MAST4: variants seen among roughly 807,000 people sequenced by gnomAD.
The protein encoded by MAST4 is microtubule associated serine/threonine kinase family member 4, also known as microtubule-associated serine/threonine-protein kinase 4.
In MAST4, 89 loss-of-function variants were observed where a neutral mutation model predicts 162.7. That is an observed-to-expected ratio of 0.55 (90% confidence interval 0.46 to 0.65). The LOEUF (loss-of-function observed/expected upper bound fraction) is 0.65, where lower values mean the gene tolerates loss of function less well. MAST4 is among the 30% of genes least tolerant of loss of function. The pLI is 0.00. For missense variants in MAST4, 3,153 were observed against 3,374.0 expected, an observed-to-expected ratio of 0.93 and a Z score of 1.62; for synonymous variants, 1,479 against 1,361.1, an observed-to-expected ratio of 1.09 and a Z score of -1.91.
chr5:66,847,916 C>T (rs1009394306), intron 3 of MAST4, among the ~76,000 whole-genome samples: 3 of 151,384 alleles, frequency 2.0e-5, no homozygotes, highest in Admixed American at 1.3e-4. Flanking sequence ...ATGGCAGTGC[C>T]GTGAAAGGTG....
In MAST4 at chr5:67,095,590, T is replaced by G; in HGVS notation, c.834-7T>G. 6.2e-7 allele frequency: 1 copy of G among 1,602,596 alleles called. No homozygotes were observed. The highest frequency in any genetic ancestry group is 1.3e-5 in the African/African-American group (1 of 74,774). Reference sequence around the variant, plus strand: ...GTTGGCCTAAGCTAAACTCACTTTCTCAATAGGACTGATGGACGCCGCTGG... The same window carrying G: ...GTTGGCCTAAGCTAAACTCACTTTCGCAATAGGACTGATGGACGCCGCTGG... On this transcript the variant is annotated splice_region_variant and splice_polypyrimidine_tract_variant and intron_variant, in intron 6 of 28. Coordinates refer to ENST00000403625, the MANE Select transcript of MAST4 (RefSeq NM_001164664.2).
At chr5:66,834,725 G>T (rs980809216) in intron 3 of MAST4, among the ~76,000 whole-genome samples, 6 of 152,156 alleles carry the variant, frequency 3.9e-5, no homozygotes, top group Non-Finnish European at 8.8e-5. Context: ...CCCAGCCATT[G>T]CCCACTGTTG....
chr5:66,706,892 C>G (rs1023251717), intron 1 of MAST4, among the ~76,000 whole-genome samples: 3 of 152,168 alleles, frequency 2.0e-5, no homozygotes, highest in African/African-American at 7.2e-5. Context: ...TTTCTTCATA[C>G]TCTGATGTAT....
At chr5:67,062,095 G>T (rs1759687170) in intron 5 of MAST4, among the ~76,000 whole-genome samples, 1 of 152,136 alleles carries the variant, frequency 6.6e-6, no homozygotes, top group Non-Finnish European at 1.5e-5. Flanking sequence ...GCCAGTGAAA[G>T]AATTCTCTTT....
intron 1 of MAST4, among the ~76,000 whole-genome samples, chr5:66,602,877 A>G (rs1057350438): frequency 5.3e-5 from 8 of 152,134 alleles, no homozygotes; most frequent in African/African-American, 1.9e-4. Context: ...CTTATTGCTG[A>G]GGCTGTTTCC....
chr5:67,077,706 T>C (rs1761827747), intron 5 of MAST4, among the ~76,000 whole-genome samples: 1 of 152,244 alleles, frequency 6.6e-6, no homozygotes, highest in Admixed American at 6.5e-5. Flanking sequence ...CCTGAATCAA[T>C]TGATTAGCCA....
chr5:67,040,608 C>T (rs1756624170), intron 4 of MAST4, among the ~76,000 whole-genome samples: 1 of 152,210 alleles, frequency 6.6e-6, no homozygotes, highest in Non-Finnish European at 1.5e-5. Context: ...TGATGTAAAG[C>T]TCCATAGCTT....
At chr5:66,714,073 A>G (rs1383515505) in intron 1 of MAST4, among the ~76,000 whole-genome samples, 2 of 152,236 alleles carry the variant, frequency 1.3e-5, no homozygotes, top group African/African-American at 2.4e-5. Flanking sequence ...TGGTAAGTGG[A>G]GGAGCCACCA....
At chr5:66,995,101 A>G (rs1165717642) in intron 4 of MAST4, among the ~76,000 whole-genome samples, 4 of 152,360 alleles carry the variant, frequency 2.6e-5, no homozygotes, top group African/African-American at 7.2e-5. Flanking sequence ...AAGGATTTAT[A>G]TCTAGAAATC....
intron 3 of MAST4, among the ~76,000 whole-genome samples, chr5:66,862,945 A>G (rs1482027590): frequency 6.6e-6 from 1 of 152,186 alleles, no homozygotes; most frequent in Non-Finnish European, 1.5e-5. Flanking sequence ...TCCCTTCTCC[A>G]TGGAATCTGA....
intron 3 of MAST4, among the ~76,000 whole-genome samples, chr5:66,890,264 G>A (rs1188161694): frequency 1.3e-5 from 2 of 152,134 alleles, no homozygotes; most frequent in Non-Finnish European, 2.9e-5. Flanking sequence ...TGTTATTCAT[G>A]TAACTGTTGG....
At chr5:66,627,734 AG>A (rs1245814523) in intron 1 of MAST4, among the ~76,000 whole-genome samples, 2 of 151,134 alleles carry the variant, frequency 1.3e-5, no homozygotes, top group African/African-American at 4.9e-5. Context: ...AAAAAAAAAA[AG>A]CTGAAATAGG....
At chr5:67,087,339 C>T (rs1763354100) in intron 5 of MAST4, among the ~76,000 whole-genome samples, 1 of 152,242 alleles carries the variant, frequency 6.6e-6, no homozygotes, top group East Asian at 1.9e-4. Flanking sequence ...GGTCTAGGTC[C>T]CTCCTCCTCT....
chr5:66,867,050 T>C (rs1419274234), intron 3 of MAST4, among the ~76,000 whole-genome samples: 1 of 152,202 alleles, frequency 6.6e-6, no homozygotes, highest in South Asian at 2.1e-4. Context: ...CGTGAGCCAC[T>C]ATGCCCAGCT....
intron 4 of MAST4, among the ~76,000 whole-genome samples, chr5:66,974,972 C>A (rs1348907001): frequency 6.6e-6 from 1 of 152,106 alleles, no homozygotes; most frequent in African/African-American, 2.4e-5. Flanking sequence ...ACCTCTGAAA[C>A]CTGTAAACAT....
chr5:66,893,420 G>A (rs1407686340), intron 3 of MAST4, among the ~76,000 whole-genome samples: 1 of 151,742 alleles, frequency 6.6e-6, no homozygotes, highest in Non-Finnish European at 1.5e-5. Flanking sequence ...GTAGAGACGG[G>A]TTTCACCGTT....
chr5:66,832,833 G>A (rs939877980), intron 3 of MAST4, among the ~76,000 whole-genome samples: 4 of 152,302 alleles, frequency 2.6e-5, no homozygotes, highest in Non-Finnish European at 5.9e-5. Context: ...TTGGGATAAA[G>A]CACTTTTGTT....
chr5:66,845,085 T>TTTTATATA (rs1374904876), intron 3 of MAST4, among the ~76,000 whole-genome samples: 2 of 57,972 alleles, frequency 3.4e-5, no homozygotes, highest in African/African-American at 1.4e-4. Context: ...TCACTAATCT[T>TTTTATATA]TATATATATA....
chr5:66,624,925 C>T (rs1490840514), intron 1 of MAST4, among the ~76,000 whole-genome samples: 1 of 152,152 alleles, frequency 6.6e-6, no homozygotes, highest in East Asian at 1.9e-4. Context: ...ACAGGGAAAA[C>T]CTTGACCTTG....
Sources: gnomAD v4.1 joint callset for allele counts (sites outside exome capture counted in the v4.1 genomes callset) on GRCh38, gnomAD v4.1.1 for gene constraint, MANE v1.5 for transcripts, NCBI Gene and HGNC (gene_info 2026-07-23, HGNC 2026-07-21) for gene names.